PIBF1: variants seen among roughly 807,000 people sequenced by gnomAD.
The protein encoded by PIBF1 is progesterone-induced-blocking factor 1.
PIBF1 carries 90 observed loss-of-function variants against 112.5 expected under a neutral mutation model. That is an observed-to-expected ratio of 0.80 (90% CI 0.67 to 0.95). The LOEUF is 0.95. Among genes scored for constraint, PIBF1 ranks in the 40% least tolerant of loss-of-function variants. PIBF1 has a pLI of 0.00. For missense variants in PIBF1, 915 were observed against 852.3 expected (o/e 1.07, Z -0.92); for synonymous variants, 301 against 288.6 (o/e 1.04, Z -0.44).
At chr13:72,859,808 A>T (rs2038611386) in intron 10 of PIBF1, among the ~76,000 whole-genome samples, 2 of 152,122 alleles carry the variant, frequency 1.3e-5, no homozygotes, top group African/African-American at 4.8e-5. Context: ...TACCTATAGA[A>T]TTATGCTGAT....
At chr13:72,816,615 T>C (rs543144916) in intron 5 of PIBF1, among the ~76,000 whole-genome samples, 2 of 150,354 alleles carry the variant, frequency 1.3e-5, no homozygotes, top group South Asian at 4.2e-4. Context: ...GAGCCAAGAT[T>C]GCACCACTGC....
At chr13:72,990,582 T>TC (rs1458129740) in intron 16 of PIBF1, among the ~76,000 whole-genome samples, 4 of 146,990 alleles carry the variant, frequency 2.7e-5, no homozygotes, top group Admixed American at 1.4e-4. Flanking sequence ...GCATGGTGGC[T>TC]CACACCTGTA....
chr13:72,945,990 G>C (rs2042139176), intron 14 of PIBF1, among the ~76,000 whole-genome samples: 1 of 152,036 alleles, frequency 6.6e-6, no homozygotes, highest in Admixed American at 6.6e-5. Context: ...CCCTGAGTTG[G>C]CCAGTGTGTC....
At chr13:73,013,263 T>C (rs538332285) in intron 17 of PIBF1, among the ~76,000 whole-genome samples, 24 of 129,774 alleles carry the variant, frequency 1.8e-4, no homozygotes, top group Admixed American at 9.7e-4. Context: ...ATCGCGCCAC[T>C]GCACTCCAGC....
chr13:72,888,127 T>G (rs1223887531), intron 10 of PIBF1, among the ~76,000 whole-genome samples: 1 of 152,138 alleles, frequency 6.6e-6, no homozygotes, highest in African/African-American at 2.4e-5. Context: ...GTGAATAAAC[T>G]AGGTATACTG....
chr13:72,893,919 G>T lies in PIBF1; in HGVS notation c.1458G>T (p.Leu486Phe). 6.2e-7 allele frequency: 1 copy of T among 1,602,970 alleles called. No homozygotes were observed. Among genetic ancestry groups the T allele is most frequent in the South Asian group, 1.1e-5 (1 of 88,990 alleles). Residue 486 changes from leucine to phenylalanine, a missense_variant, in exon 11 of 18, where the codon TTG (leucine) becomes TTT (phenylalanine). Physicochemically the swap from Leu to Phe is conservative, Grantham distance 22. Transcript: ENST00000326291. ...ETARNLTQCQ[L>F]ECEKYQKKLE... The stretch of plus-strand genomic sequence containing the variant: ...CAAGAAATCTCACACAGTGTCAATT[G>T]GAATGTGAAAAATATCAGAAAAAAT...
intron 10 of PIBF1, among the ~76,000 whole-genome samples, chr13:72,890,613 CTT>C (rs2040020175): frequency 6.6e-6 from 1 of 152,048 alleles, no homozygotes; most frequent in Non-Finnish European, 1.5e-5. Context: ...AATTTTACCT[CTT>C]AAGGTTACTA....
chr13:73,014,055 CCTCCCCTCCA>C (rs1215315833), intron 17 of PIBF1, among the ~76,000 whole-genome samples: 5 of 151,110 alleles, frequency 3.3e-5, no homozygotes, highest in Admixed American at 6.6e-5. Context: ...CCTTCCCTCC[CCTCCCCTCCA>C]CTCCCCTCTC....
At chr13:72,833,200 A>G (rs181675035) in intron 8 of PIBF1, among the ~76,000 whole-genome samples, 1 of 152,142 alleles carries the variant, frequency 6.6e-6, no homozygotes, top group Non-Finnish European at 1.5e-5. Flanking sequence ...GCTTCCTTGC[A>G]TTGGGTTAGA....
chr13:72,981,553 G>T (rs2043158503), intron 16 of PIBF1, among the ~76,000 whole-genome samples: 1 of 152,068 alleles, frequency 6.6e-6, no homozygotes, highest in Non-Finnish European at 1.5e-5. Context: ...AGTATTTAGA[G>T]AGTTCCCATC....
chr13:72,893,991 A>G, intron 11 of PIBF1, 42 bp downstream of exon 11: 1 of 1,275,912 alleles, frequency 7.8e-7, no homozygotes, highest in South Asian at 1.4e-5. Context: ...CATGGCATGT[A>G]AACTCCCTAA....
chr13:72,897,695 A>C (rs1383605291), intron 11 of PIBF1, among the ~76,000 whole-genome samples: 1 of 152,244 alleles, frequency 6.6e-6, no homozygotes, highest in Non-Finnish European at 1.5e-5. Flanking sequence ...ACTTTAAAGC[A>C]ACAGTGGTTA....
rs570608084 is a variant in PIBF1, at chr13:72,932,690, C to G, written c.1833+1423C>G. Among the ~76,000 whole-genome samples the G allele has an allele frequency of 8.5e-5, 13 of 152,270 alleles. No individual in the cohort carries two copies. The South Asian group carries it at 2.5e-3, about 29-fold the overall frequency. ...TAATGTTTGCACCATACAGATACAA[C>G]AGACATAGGTAAACTCAAGAGCACA... is the stretch of plus-strand genomic sequence containing the variant. On this transcript the variant is annotated intron_variant, in intron 14 of 17. Transcript: ENST00000326291.
intron 14 of PIBF1, among the ~76,000 whole-genome samples, chr13:72,958,976 C>CA (rs1157795810): frequency 1.3e-5 from 2 of 151,954 alleles, no homozygotes; most frequent in Non-Finnish European, 1.5e-5. Context: ...TAGTAGGACC[C>CA]AAAAATCACT....
chr13:72,866,425 A>C (rs1566377974), intron 10 of PIBF1, among the ~76,000 whole-genome samples: 2 of 152,188 alleles, frequency 1.3e-5, no homozygotes, highest in South Asian at 2.1e-4. Context: ...TGATTTAACT[A>C]AAATTTTCTA....
intron 9 of PIBF1, among the ~76,000 whole-genome samples, chr13:72,852,829 T>G (rs2038228243): frequency 6.6e-6 from 1 of 152,168 alleles, no homozygotes; most frequent in Non-Finnish European, 1.5e-5. Flanking sequence ...TCATGAGAGA[T>G]AGTGTGGCAT....
Position 72,803,118 on chromosome 13 carries a change from T to C in PIBF1, c.672+5092T>C, listed in dbSNP as rs77590838. 7.0e-3 allele frequency among the ~76,000 whole-genome samples: 1,066 copies of C among 152,130 alleles called. 11 individuals are homozygous for C. The highest frequency in any genetic ancestry group is 0.024 in the African/African-American group (1,014 of 41,504). On this transcript the variant is annotated intron_variant, in intron 5 of 17. Transcript: ENST00000326291. ...TTTGATTACAGTGTTTGAGAGTGAA[T>C]GGAGGAAATAAACTGGACATAGAGT... is the stretch of plus-strand genomic sequence containing the variant.
At chr13:73,012,933 C>A (rs2044247610) in intron 17 of PIBF1, among the ~76,000 whole-genome samples, 1 of 151,466 alleles carries the variant, frequency 6.6e-6, no homozygotes, top group Non-Finnish European at 1.5e-5. Flanking sequence ...ACAGAATTTC[C>A]CCCAAACTAA....
At chr13:72,879,052 TATTA>T (rs911049156) in intron 10 of PIBF1, among the ~76,000 whole-genome samples, 4 of 152,166 alleles carry the variant, frequency 2.6e-5, no homozygotes, top group African/African-American at 9.6e-5. Context: ...GTTTTTAATC[TATTA>T]ATTGGTGAAT....
Sources: allele counts gnomAD v4.1 joint callset (sites outside exome capture counted in the v4.1 genomes callset), GRCh38; gene constraint gnomAD v4.1.1; transcripts MANE v1.5; gene names NCBI Gene and HGNC (gene_info 2026-07-23, HGNC 2026-07-21).